The following MYOM3 variants were observed in gnomAD, a reference collection of about 807,000 sequenced individuals.
MYOM3 encodes the protein myomesin-3.
A neutral mutation model predicts 191.7 loss-of-function variants in MYOM3; 155 were observed. The observed-to-expected ratio is 0.81, with a 90% CI of 0.71 to 0.92. The LOEUF is 0.92. Among genes scored for constraint, MYOM3 ranks in the 40% least tolerant of loss-of-function variants. The pLI is 0.00. For synonymous variants in MYOM3, 757 were observed against 762.9 expected, an observed-to-expected ratio of 0.99 and a Z score of 0.13; for missense variants, 1,889 against 1,890.6, an observed-to-expected ratio of 1.00 and a Z score of 0.02.
intron 36 of MYOM3, among the ~76,000 whole-genome samples, 200 bp downstream of exon 36, chr1:24,058,724 T>C (rs376824895): frequency 1.8e-4 from 27 of 152,154 alleles, no homozygotes; most frequent in African/African-American, 6.3e-4. Context: ...CAGATGGAGA[T>C]AGAACTAGGT....
intron 33 of MYOM3, 59 bp from the exon 34 acceptor site, chr1:24,061,368 G>C (rs1643368243): frequency 6.4e-7 from 1 of 1,551,564 alleles, no homozygotes; most frequent in South Asian, 1.1e-5. Context: ...TGATGATGGG[G>C]ACAGGGTGAC....
chr1:24,095,852 T>A lies in MYOM3; in HGVS notation c.746-366A>T, dbSNP rs192051973. ...AGAGGCGCGGGGATTTCTGGTGGGA[T>A]CAGGGAGAGTGGTGGGGGAGGGGCA... On this transcript the variant is annotated intron_variant, in intron 7 of 36. Transcript: ENST00000374434. Among the ~76,000 whole-genome samples the A allele has an allele frequency of 4.6e-5, 7 of 152,100 alleles. No individual in the cohort carries two copies. In the East Asian group the frequency reaches 1.4e-3, roughly 29 times the overall value.
At position 24,057,571 on chromosome 1, in the gene MYOM3, C is replaced by T. The variant is rs769341888; in HGVS notation, c.4107G>A (p.Leu1369=). 3 of 1,614,178 alleles carry T rather than the reference C, an allele frequency of 1.9e-6. No individual in the cohort carries two copies. The highest frequency in any genetic ancestry group is 3.3e-5 in the Admixed American group (2 of 60,026). ...SGDPTPEISW[L]KNDQPVTFLD... is the part of the protein sequence containing the mutation. ...GGAAGGTGACAGGCTGGTCATTCTT[C>T]AGCCAAGAGATTTCAGGGGTGGGGT... The change falls in exon 37 of 37, where the codon CTG becomes CTA. Residue 1369 remains leucine (L), a synonymous_variant. Coordinates refer to ENST00000374434, the MANE Select transcript of MYOM3 (RefSeq NM_152372.4).
Position 24,107,171 on chromosome 1 carries a change from C to T in MYOM3, c.304G>A (p.Val102Met). 5 of 1,610,972 alleles carry T rather than the reference C, an allele frequency of 3.1e-6. No homozygotes were observed. Among genetic ancestry groups the T allele is most frequent in the Non-Finnish European group, 2.5e-6 (3 of 1,178,736 alleles). Residue 102 changes from valine (V) to methionine (M), a missense_variant, in exon 4 of 37, where the codon GTG becomes ATG. Val to Met is a conservative substitution (Grantham distance 21). Coordinates refer to ENST00000374434, the MANE Select transcript of MYOM3 (RefSeq NM_152372.4). ...VELEERGQKR[V>M]GFGNDWERTE... The stretch of plus-strand genomic sequence containing the variant: ...CTCTCCCAGTCATTGCCGAAGCCCA[C>T]CCGCTTCTGCCCTCGCTCCTCCAGC...
At chr1:24,085,437 T>TCTTCCTGTTC in intron 15 of MYOM3, among the ~76,000 whole-genome samples, 1 of 152,280 alleles carries the variant, frequency 6.6e-6, no homozygotes, top group South Asian at 2.1e-4. Context: ...AGGTGCATGA[T>TCTTCCTGTTC]CTTCCTAGTT....
In MYOM3 at chr1:24,063,419, C is replaced by T. The variant is rs1021079065; in HGVS notation, c.3661+73G>A. ...CTAAACCCACCCCCAATAGCCAAGGCCAGTGTTAGGCTGCTTGGAGGCTGT... is the reference window on the plus strand; with the variant it reads ...CTAAACCCACCCCCAATAGCCAAGGTCAGTGTTAGGCTGCTTGGAGGCTGT... On this transcript the variant is annotated intron_variant, in intron 31 of 36. Coordinates refer to ENST00000374434, the MANE Select transcript of MYOM3 (RefSeq NM_152372.4). This position sits in a 1 kb window ranked among gnomAD's most constrained non-coding sequence, Gnocchi z 4.5. 4 of 1,575,394 alleles carry T rather than the reference C, an allele frequency of 2.5e-6. No individual in the cohort carries two copies. Among genetic ancestry groups the T allele is most frequent in the Admixed American group, 1.7e-5 (1 of 59,940 alleles).
Position 24,082,014 on chromosome 1 carries a change from G to C in MYOM3, c.2267C>G (p.Thr756Ser). 1 of 1,610,552 alleles carries C rather than the reference G, an allele frequency of 6.2e-7. No individual in the cohort carries two copies. The highest frequency in any genetic ancestry group is 8.5e-7 in the Non-Finnish European group (1 of 1,179,170). ...TTCCAGCCCTACCTTGCAGACCCGG[G>C]TGGGGATGGGCTGCTGATTGACCGC... ...WHAVNQQPIPTRVCKVSDLHE... is the reference protein window; with the variant it reads ...WHAVNQQPIPSRVCKVSDLHE... Residue 756 changes from threonine (T) to serine (S), a missense_variant, in exon 18 of 37, where the codon ACC (threonine) becomes AGC (serine). Coordinates refer to ENST00000374434, the MANE Select transcript of MYOM3 (RefSeq NM_152372.4).
chr1:24,078,301 G>T (rs1481781487), intron 20 of MYOM3, among the ~76,000 whole-genome samples: 3 of 151,952 alleles, frequency 2.0e-5, no homozygotes, highest in African/African-American at 7.3e-5. Flanking sequence ...TTTTTTTGTA[G>T]AAATGAGGTT....
intron 14 of MYOM3, among the ~76,000 whole-genome samples, chr1:24,089,166 G>C (rs567803610): frequency 6.6e-6 from 1 of 152,272 alleles, no homozygotes; most frequent in Admixed American, 6.5e-5. Context: ...TACCAGCCTT[G>C]TTTCCCTCCC....
chr1:24,088,540 A>C (rs1280975227), intron 14 of MYOM3, among the ~76,000 whole-genome samples: 3 of 152,218 alleles, frequency 2.0e-5, no homozygotes, highest in Admixed American at 2.0e-4. Flanking sequence ...CATCTTCACC[A>C]TGATACACTA....
Position 24,086,758 on chromosome 1 carries a change from C to G in MYOM3, c.1684G>C (p.Val562Leu), listed in dbSNP as rs183173497. 1.9e-6 allele frequency: 3 copies of G among 1,614,066 alleles called. No individual in the cohort carries two copies. The highest frequency in any genetic ancestry group is 2.5e-6 in the Non-Finnish European group (3 of 1,180,030). Residue 562 changes from valine (V) to leucine (L), a missense_variant, in exon 15 of 37, where the codon GTT (valine) becomes CTT (leucine). Physicochemically the swap from Val to Leu is conservative, Grantham distance 32 (BLOSUM62 1). Transcript: ENST00000374434. ...ESPVRSPRFA[V>L]LDLEKKKSYV... The stretch of plus-strand genomic sequence containing the variant: ...GACTTCTTTTTCTCCAGGTCCAGAA[C>G]GGCGAATCTCGGGGATCTCACAGGG...
intron 28 of MYOM3, chr1:24,066,709 G>C: frequency 2.4e-6 from 1 of 412,078 alleles, no homozygotes; most frequent in South Asian, 5.3e-5. Flanking sequence ...CATAAACACA[G>C]GGATACCCCT....
chr1:24,092,192 G>A lies in MYOM3; in HGVS notation c.1214C>T (p.Thr405Ile). The change falls in exon 11 of 37, where the codon ACT becomes ATT. Residue 405 changes from threonine (T) to isoleucine (I), a missense_variant. Physicochemically the swap from Thr to Ile is moderately conservative, Grantham distance 89 (BLOSUM62 -1). Transcript: ENST00000374434. The part of the protein sequence containing the change: ...PPSDTRGNPI[T>I]AYTIERCQGE... The stretch of plus-strand genomic sequence containing the variant: ...GACTCACCGCTCAATGGTGTAGGCA[G>A]TGATGGGGTTGCCCCGGGTGTCACT... 1 of 1,464,998 alleles carries A rather than the reference G, an allele frequency of 6.8e-7. No individual in the cohort carries two copies. Among genetic ancestry groups the A allele is most frequent in the Admixed American group, 2.3e-5 (1 of 42,680 alleles). The allele number at this position is 1,464,998 out of a possible 1,614,324, so 90.7% of individuals were successfully genotyped here.
At chr1:24,098,600 C>A (rs887569646) in intron 6 of MYOM3, among the ~76,000 whole-genome samples, 6 of 152,204 alleles carry the variant, frequency 3.9e-5, no homozygotes, top group African/African-American at 1.4e-4. Context: ...ACCTCTGGCC[C>A]CATTAGCAAG....
At position 24,091,011 on chromosome 1, in the gene MYOM3, C is replaced by A; in HGVS notation, c.1233-15G>T. 6.3e-7 allele frequency: 1 copy of A among 1,588,862 alleles called. No homozygotes were observed. The highest frequency in any genetic ancestry group is 8.5e-7 in the Non-Finnish European group (1 of 1,178,992). On this transcript the variant is annotated splice_polypyrimidine_tract_variant and intron_variant, in intron 11 of 36. Transcript: ENST00000374434. ...CGCCCTGGCACCTGTTGGAGACAGGCCCCCCCTTTCAGCCCCTGCCCACAA... is the reference window on the plus strand; with the variant it reads ...CGCCCTGGCACCTGTTGGAGACAGGACCCCCCTTTCAGCCCCTGCCCACAA...
At chr1:24,081,791 A>G in intron 18 of MYOM3, 1 of 607,254 alleles carries the variant, frequency 1.6e-6, no homozygotes, top group Non-Finnish European at 2.9e-6. Flanking sequence ...CAAACTCCCA[A>G]ACTCCTGAGC....
chr1:24,071,926 A>G, intron 24 of MYOM3, 43 bp downstream of exon 24: 1 of 1,602,694 alleles, frequency 6.2e-7, no homozygotes, highest in African/African-American at 1.3e-5. Context: ...CAATGGGCCC[A>G]GTGGGAACTG....
At chr1:24,084,198 T>A in intron 16 of MYOM3, 1 of 408,246 alleles carries the variant, frequency 2.4e-6, no homozygotes, top group East Asian at 5.1e-5. Flanking sequence ...GGGAGCAAGT[T>A]CTCATGAGAT....
At chr1:24,072,821 C>A (rs1296144968) in intron 23 of MYOM3, among the ~76,000 whole-genome samples, 1 of 152,210 alleles carries the variant, frequency 6.6e-6, no homozygotes, top group African/African-American at 2.4e-5. Flanking sequence ...AGGCGTGAGC[C>A]ACTGTGCCTG....
Sources: allele counts gnomAD v4.1 joint callset (sites outside exome capture counted in the v4.1 genomes callset), GRCh38; gene constraint gnomAD v4.1.1; non-coding constraint Gnocchi (gnomAD v3.1); transcripts MANE v1.5; gene names NCBI Gene and HGNC (gene_info 2026-07-23, HGNC 2026-07-21).